The following PAPPA2 variants were observed in gnomAD, a reference collection of about 807,000 sequenced individuals.
The protein encoded by PAPPA2 is pappalysin 2.
Under a neutral mutation model 176.4 loss-of-function variants are expected in PAPPA2, and 86 were observed. That is an observed-to-expected ratio of 0.49 (90% CI 0.41 to 0.58). PAPPA2 has a LOEUF of 0.58. Among genes scored for constraint, PAPPA2 ranks in the 20% least tolerant of loss-of-function variants. The pLI, the probability that PAPPA2 is intolerant of heterozygous loss-of-function variation, is 0.00. For synonymous variants in PAPPA2, 809 were observed against 852.2 expected, an observed-to-expected ratio of 0.95 and a Z score of 0.88; for missense variants, 2,073 against 2,256.9, an observed-to-expected ratio of 0.92 and a Z score of 1.65.
At chr1:176,537,307 C>T (rs1421379723) in intron 1 of PAPPA2, 1 of 152,262 alleles carries the variant, frequency 6.6e-6, no homozygotes, top group Admixed American at 6.5e-5. Context: ...CAGCCCTACT[C>T]CTCTCAAGGC....
At chr1:176,685,666 C>T (rs1198902691) in intron 4 of PAPPA2, among the ~76,000 whole-genome samples, 1 of 152,162 alleles carries the variant, frequency 6.6e-6, no homozygotes, top group Non-Finnish European at 1.5e-5. Flanking sequence ...ATGCACAGTC[C>T]CTCCGGCCCC....
intron 12 of PAPPA2, among the ~76,000 whole-genome samples, chr1:176,723,758 A>G (rs1016279185): frequency 4.6e-5 from 7 of 152,134 alleles, no homozygotes; most frequent in Non-Finnish European, 1.0e-4. Context: ...CTTTTCTTCT[A>G]ATCTTGAGCC....
At chr1:176,795,688 T>C (rs891977952) in intron 20 of PAPPA2, among the ~76,000 whole-genome samples, 1 of 152,220 alleles carries the variant, frequency 6.6e-6, no homozygotes, top group African/African-American at 2.4e-5. Flanking sequence ...ATTTCCCCTA[T>C]TATTTTGCTT....
At chr1:176,571,524 C>T (rs1652329352) in intron 2 of PAPPA2, among the ~76,000 whole-genome samples, 2 of 152,240 alleles carry the variant, frequency 1.3e-5, no homozygotes, top group South Asian at 4.1e-4. Context: ...TTTCACCCTT[C>T]TGTGAAGATG....
At chr1:176,779,227 G>A (rs1393726746) in intron 17 of PAPPA2, among the ~76,000 whole-genome samples, 1 of 152,052 alleles carries the variant, frequency 6.6e-6, no homozygotes, top group Non-Finnish European at 1.5e-5. Flanking sequence ...TATTCAACCT[G>A]TAACTTCACC....
intron 1 of PAPPA2, among the ~76,000 whole-genome samples, chr1:176,512,066 G>A (rs549950569): frequency 6.6e-6 from 1 of 151,850 alleles, no homozygotes; most frequent in African/African-American, 2.4e-5. Flanking sequence ...AGAATAAAAA[G>A]GACCTCCCCA....
chr1:176,667,891 T>C (rs1468885335), intron 3 of PAPPA2, among the ~76,000 whole-genome samples: 1 of 152,170 alleles, frequency 6.6e-6, no homozygotes, highest in Non-Finnish European at 1.5e-5. Context: ...TCCTACACTT[T>C]TACTTTGTTT....
chr1:176,695,198 G>A (rs754825698), intron 6 of PAPPA2, among the ~76,000 whole-genome samples: 15 of 152,170 alleles, frequency 9.9e-5, no homozygotes, highest in Admixed American at 5.9e-4. Flanking sequence ...GCCTTGAGAC[G>A]TGATAAATAA....
At chr1:176,765,171 C>T (rs1663908337) in intron 14 of PAPPA2, among the ~76,000 whole-genome samples, 1 of 152,204 alleles carries the variant, frequency 6.6e-6, no homozygotes. Context: ...GCCTTTCTGT[C>T]ACCTTAGAAA....
intron 21 of PAPPA2, among the ~76,000 whole-genome samples, chr1:176,803,538 CCAAT>C (rs1353131149): frequency 6.6e-6 from 1 of 152,112 alleles, no homozygotes; most frequent in Non-Finnish European, 1.5e-5. Context: ...TCGATTGTGT[CCAAT>C]CAGTCATCAG....
At chr1:176,642,812 C>A (rs1327385963) in intron 3 of PAPPA2, among the ~76,000 whole-genome samples, 1 of 151,974 alleles carries the variant, frequency 6.6e-6, no homozygotes, top group Non-Finnish European at 1.5e-5. Context: ...AAATGTAACT[C>A]TGCAATCTTC....
chr1:176,558,500 C>T (rs538594393), intron 2 of PAPPA2, among the ~76,000 whole-genome samples: 4 of 152,278 alleles, frequency 2.6e-5, no homozygotes, highest in South Asian at 2.1e-4. Context: ...ATTTCTCCTT[C>T]GGAAGCTGGG....
chr1:176,701,190 C>T (rs1471306200), intron 8 of PAPPA2, among the ~76,000 whole-genome samples: 2 of 152,176 alleles, frequency 1.3e-5, no homozygotes, highest in African/African-American at 2.4e-5. Context: ...AATTTTTCAA[C>T]TGGATCTCAT....
At chr1:176,766,697 C>A (rs944464988) in intron 15 of PAPPA2, among the ~76,000 whole-genome samples, 9 of 152,216 alleles carry the variant, frequency 5.9e-5, no homozygotes, top group African/African-American at 2.2e-4. Flanking sequence ...ATTCTGTTTT[C>A]CATCTTGCCT....
At chr1:176,540,405 T>C (rs1650304716) in intron 1 of PAPPA2, among the ~76,000 whole-genome samples, 1 of 152,246 alleles carries the variant, frequency 6.6e-6, no homozygotes, top group Non-Finnish European at 1.5e-5. Flanking sequence ...CGTGAAGAGT[T>C]GATTGCTTTA....
intron 21 of PAPPA2, among the ~76,000 whole-genome samples, chr1:176,838,946 C>T (rs892911143): frequency 3.3e-5 from 5 of 152,194 alleles, no homozygotes; most frequent in African/African-American, 7.2e-5. Context: ...TGGATAAACT[C>T]GTTCTGATGT....
intron 3 of PAPPA2, among the ~76,000 whole-genome samples, chr1:176,670,365 A>G (rs960625398): frequency 6.6e-6 from 1 of 152,210 alleles, no homozygotes; most frequent in Non-Finnish European, 1.5e-5. Flanking sequence ...TAGAGTTTCC[A>G]TGGATTAAGG....
chr1:176,491,360 C>T (rs1298591214), intron 1 of PAPPA2, among the ~76,000 whole-genome samples: 2 of 152,186 alleles, frequency 1.3e-5, no homozygotes, highest in African/African-American at 2.4e-5. Flanking sequence ...GAGTTGGGAG[C>T]TGTCTTCATA....
intron 2 of PAPPA2, among the ~76,000 whole-genome samples, chr1:176,585,717 A>T (rs1313517700): frequency 2.0e-5 from 3 of 151,982 alleles, no homozygotes; most frequent in Non-Finnish European, 4.4e-5. Flanking sequence ...ATTCCAAAAG[A>T]TCTATCTTCA....
Sources: allele counts gnomAD v4.1 joint callset (sites outside exome capture counted in the v4.1 genomes callset), GRCh38; gene constraint gnomAD v4.1.1; transcripts MANE v1.5; gene names NCBI Gene and HGNC (gene_info 2026-07-23, HGNC 2026-07-21).